CEP250: variants seen among roughly 807,000 people sequenced by gnomAD.
The protein encoded by CEP250 is centrosomal protein 250.
A neutral mutation model predicts 315.7 loss-of-function variants in CEP250; 242 were observed. The ratio of observed to expected loss-of-function variants is 0.77; its 90% CI spans 0.69 to 0.85. The LOEUF (loss-of-function observed/expected upper bound fraction) is 0.85, where lower values mean the gene tolerates loss of function less well. Among genes scored for constraint, CEP250 ranks in the 40% least tolerant of loss-of-function variants. The pLI is 0.00. For synonymous variants in CEP250, 1,088 were observed against 1,175.0 expected, an observed-to-expected ratio of 0.93 and a Z score of 1.51; for missense variants, 2,515 against 2,886.4, an observed-to-expected ratio of 0.87 and a Z score of 2.95.
intron 20 of CEP250, among the ~76,000 whole-genome samples, chr20:35,481,734 ACT>A (rs1439041487): frequency 6.6e-6 from 1 of 150,576 alleles, no homozygotes; most frequent in Non-Finnish European, 1.5e-5. Flanking sequence ...GCAGGGTCTC[ACT>A]CTGTCGCCTA....
chr20:35,501,771 C>T lies in CEP250; in HGVS notation c.3899-74C>T, dbSNP rs979614126. On this transcript the variant is annotated intron_variant, in intron 28 of 34. Coordinates refer to ENST00000397527, the MANE Select transcript of CEP250 (RefSeq NM_007186.6). ...GAATCTGTTCCCCATCCTCCATCTG[C>T]CTCTATATCCCTCTATATCCCAAAC... 3 of 1,465,732 alleles carry T rather than the reference C, an allele frequency of 2.0e-6. No individual in the cohort carries two copies. The Admixed American group carries it at 6.8e-5, about 33-fold the overall frequency. The allele number at this position is 1,465,732 out of a possible 1,614,324, so 90.8% of individuals were successfully genotyped here.
Position 35,503,249 on chromosome 20 carries a change from A to T in CEP250, c.4880A>T (p.Glu1627Val), listed in dbSNP as rs775392138. Residue 1627 changes from glutamate to valine, a missense_variant, in exon 30 of 35, where the codon GAG becomes GTG. Glu to Val is a moderately radical substitution (Grantham distance 121). Transcript: ENST00000397527. The surrounding 1 kb of genome is among the most constrained non-coding windows in gnomAD (Gnocchi z 4.2). ...ACCGTTCTGGCAAGAGAGCTGCAGGAGAGGGACCAGGAGGTGAAGTCTCAG... is the reference window on the plus strand; with the variant it reads ...ACCGTTCTGGCAAGAGAGCTGCAGGTGAGGGACCAGGAGGTGAAGTCTCAG... ...HSTVLARELQ[E>V]RDQEVKSQRE... 2.5e-6 allele frequency: 4 copies of T among 1,614,226 alleles called. No individual in the cohort carries two copies. The South Asian group carries it at 4.4e-5, about 18-fold the overall frequency.
At chr20:35,471,872 T>C (rs2063031777) in intron 10 of CEP250, among the ~76,000 whole-genome samples, 178 bp from the exon 11 acceptor site, 1 of 152,240 alleles carries the variant, frequency 6.6e-6, no homozygotes, top group South Asian at 2.1e-4. Context: ...TCTAAACTTG[T>C]AATCACCACA....
chr20:35,459,510 G>A (rs534452176), intron 2 of CEP250, among the ~76,000 whole-genome samples: 3 of 152,126 alleles, frequency 2.0e-5, no homozygotes, highest in African/African-American at 7.2e-5. Flanking sequence ...GGCTGGGCTT[G>A]GTGGCTCACA....
At position 35,498,635 on chromosome 20, in the gene CEP250, G is replaced by A; in HGVS notation, c.3696G>A (p.Leu1232=). 1 of 1,607,384 alleles carries A rather than the reference G, an allele frequency of 6.2e-7. No individual in the cohort carries two copies. Among genetic ancestry groups the A allele is most frequent in the Middle Eastern group, 1.7e-4 (1 of 6,006 alleles). ...GGAGCCTCTTTAAGAGAGGGCCCCT[G>A]CTGACTGCTCTCTCCGCTGAGGCAG... ...GARSLFKRGP[L]LTALSAEAVA... The change falls in exon 27 of 35, where the codon CTG becomes CTA. Residue 1232 remains leucine, a synonymous_variant. Transcript: ENST00000397527.
At chr20:35,495,134 G>A (rs761600669) in intron 24 of CEP250, among the ~76,000 whole-genome samples, 5 of 152,194 alleles carry the variant, frequency 3.3e-5, no homozygotes, top group Non-Finnish European at 7.3e-5. Flanking sequence ...TCCGTAAGAG[G>A]AGAAATAATA....
Position 35,500,884 on chromosome 20 carries a change from A to G in CEP250, c.3898+715A>G, listed in dbSNP as rs1418405632. ...GAAAGAAGGAAATGGCTGGGCTTCC[A>G]TTTTCTGTCTCTGTAGATTTAAAAA... On this transcript the variant is annotated intron_variant, in intron 28 of 34. Transcript: ENST00000397527. Among the ~76,000 whole-genome samples, 7 of 152,266 alleles carry G rather than the reference A, an allele frequency of 4.6e-5. No homozygotes were observed. The East Asian group carries it at 1.2e-3, about 25-fold the overall frequency.
At chr20:35,470,472 G>A (rs763107583) in intron 10 of CEP250, among the ~76,000 whole-genome samples, 15 of 152,160 alleles carry the variant, frequency 9.9e-5, no homozygotes, top group Non-Finnish European at 1.3e-4. Context: ...ATGAAGGGCC[G>A]GGCGCGGTGG....
intron 15 of CEP250, 30 bp downstream of exon 15, chr20:35,475,676 G>T (rs769383795): frequency 6.2e-7 from 1 of 1,609,020 alleles, no homozygotes; most frequent in Non-Finnish European, 8.5e-7. Flanking sequence ...CACTTGCTGG[G>T]TGGGCGGCTT....
chr20:35,473,799 C>T, intron 13 of CEP250, 71 bp from the exon 14 acceptor site: 3 of 1,388,494 alleles, frequency 2.2e-6, no homozygotes, highest in Non-Finnish European at 3.0e-6. Context: ...TCTCTTGGCC[C>T]TGTGATGCCT....
In CEP250 at chr20:35,475,524, G is replaced by A; in HGVS notation, c.1594G>A (p.Glu532Lys). Reference sequence around the variant, plus strand: ...TAGTCAGGAGATGCTGATGGGCCTGGAAGCCAAACAGTCAGAATCACTCAG... The same window carrying A: ...TAGTCAGGAGATGCTGATGGGCCTGAAAGCCAAACAGTCAGAATCACTCAG... Reference protein sequence around the residue: ...ERLQEMLMGLEAKQSESLSEL... With the variant: ...ERLQEMLMGLKAKQSESLSEL... Residue 532 changes from glutamate to lysine, a missense_variant, in exon 15 of 35, where the codon GAA becomes AAA. Transcript: ENST00000397527. 1 of 1,614,118 alleles carries A rather than the reference G, an allele frequency of 6.2e-7. No homozygotes were observed. Among genetic ancestry groups the A allele is most frequent in the Non-Finnish European group, 8.5e-7 (1 of 1,180,030 alleles).
At chr20:35,470,603 A>G (rs2063001356) in intron 10 of CEP250, among the ~76,000 whole-genome samples, 1 of 152,144 alleles carries the variant, frequency 6.6e-6, no homozygotes, top group South Asian at 2.1e-4. Context: ...AATAAAAAAA[A>G]TTAGCCGGTC....
Position 35,502,761 on chromosome 20 carries a change from C to T in CEP250, c.4392C>T (p.Asp1464=), listed in dbSNP as rs1312826016. The T allele has an allele frequency of 1.9e-6, 3 of 1,614,042 alleles. No homozygotes were observed. The African/African-American group carries it at 4.0e-5, about 22-fold the overall frequency. The change falls in exon 30 of 35, where the codon GAC becomes GAT. Residue 1464 remains aspartate, a synonymous_variant. Transcript: ENST00000397527. ...CTGCTTTGGAATTGCTGTCTCTGGA[C>T]CTGAAGAAGAGGAACCAAGAGGTAG... ...QKAALELLSL[D]LKKRNQEVDL...
At position 35,497,709 on chromosome 20, in the gene CEP250, T is replaced by C. The variant is rs775618192; in HGVS notation, c.3307-10T>C. On this transcript the variant is annotated splice_polypyrimidine_tract_variant and intron_variant, in intron 25 of 34. Coordinates refer to ENST00000397527, the MANE Select transcript of CEP250 (RefSeq NM_007186.6). ...TCCTGCTTATATTATGTAAAATTCT[T>C]CCTTGACAGATGGAATTACTAAGGC... The C allele has an allele frequency of 3.8e-5, 59 of 1,535,708 alleles. No individual in the cohort carries two copies. Among genetic ancestry groups the C allele is most frequent in the South Asian group, 1.8e-4 (15 of 83,008 alleles).
At chr20:35,474,619 C>T (rs2063118731) in intron 14 of CEP250, among the ~76,000 whole-genome samples, 1 of 152,166 alleles carries the variant, frequency 6.6e-6, no homozygotes, top group South Asian at 2.1e-4. Context: ...GGGAAATGTG[C>T]TAGCTGGTCA....
Position 35,511,356 on chromosome 20 carries a change from C to T in CEP250, c.7066-7C>T, listed in dbSNP as rs772568363. 25 of 1,582,164 alleles carry T rather than the reference C, an allele frequency of 1.6e-5. No homozygotes were observed. Among genetic ancestry groups the T allele is most frequent in the Non-Finnish European group, 1.5e-5 (18 of 1,162,932 alleles). Reference sequence around the variant, plus strand: ...TCTCGCTTTTTTTTTTTTTTCCTGCCCACCAGGTGGTCCTGCTGCAAGCTC... The same window carrying T: ...TCTCGCTTTTTTTTTTTTTTCCTGCTCACCAGGTGGTCCTGCTGCAAGCTC... On this transcript the variant is annotated splice_region_variant and splice_polypyrimidine_tract_variant and intron_variant, in intron 34 of 34. Transcript: ENST00000397527.
intron 22 of CEP250, among the ~76,000 whole-genome samples, chr20:35,492,141 T>C (rs1459581703): frequency 6.6e-6 from 1 of 152,106 alleles, no homozygotes; most frequent in African/African-American, 2.4e-5. Context: ...GAAAGTAACA[T>C]CTGAGCTGAG....
intron 25 of CEP250, 148 bp from the exon 26 acceptor site, chr20:35,497,571 G>C (rs976581252): frequency 1.6e-6 from 1 of 628,288 alleles, no homozygotes; most frequent in South Asian, 2.0e-5. Flanking sequence ...ACTCATTTCA[G>C]AGCCCCTCTA....
rs560680568 is a variant in CEP250 at position 35,483,039 on chromosome 20, G to T, written c.2586+2894G>T. Among the ~76,000 whole-genome samples, 443 of 147,788 alleles carry T rather than the reference G, an allele frequency of 3.0e-3. 1 individual carries two copies. The highest frequency in any genetic ancestry group is 0.01 in the African/African-American group (410 of 40,298). ...TACTCTTTAAAATAAATTTTTTTTT[G>T]GCCAATTGCAGTGGCTCATGCCTGT... On this transcript the variant is annotated intron_variant, in intron 20 of 34. Transcript: ENST00000397527.
Sources: gnomAD v4.1 joint callset for allele counts (sites outside exome capture counted in the v4.1 genomes callset) on GRCh38, gnomAD v4.1.1 for gene constraint, Gnocchi (gnomAD v3.1) non-coding constraint, MANE v1.5 for transcripts, NCBI Gene and HGNC (gene_info 2026-07-23, HGNC 2026-07-21) for gene names.